DPYD: variants seen among roughly 807,000 people sequenced by gnomAD.
The protein encoded by DPYD is dihydropyrimidine dehydrogenase, also known as dihydropyrimidine dehydrogenase [NADP(+)].
In DPYD, 109 loss-of-function variants were observed where a neutral mutation model predicts 116.2. The ratio of observed to expected loss-of-function variants is 0.94; its 90% confidence interval spans 0.80 to 1.10. The LOEUF (loss-of-function observed/expected upper bound fraction) is 1.10. Among genes scored for constraint, DPYD ranks in the 50% least tolerant of loss-of-function variants. DPYD has a pLI of 0.00. For synonymous variants in DPYD, 440 were observed against 432.0 expected (o/e 1.02, Z -0.23); for missense variants, 1,302 against 1,254.5 (o/e 1.04, Z -0.57).
At chr1:97,236,458 A>T (rs1212906617) in intron 18 of DPYD, among the ~76,000 whole-genome samples, 1 of 152,218 alleles carries the variant, frequency 6.6e-6, no homozygotes, top group Non-Finnish European at 1.5e-5. Flanking sequence ...AAGGGCTTTC[A>T]ATTTGAAAAG....
intron 16 of DPYD, among the ~76,000 whole-genome samples, chr1:97,317,865 C>T (rs1667957163): frequency 6.6e-6 from 1 of 151,978 alleles, no homozygotes; most frequent in Non-Finnish European, 1.5e-5. Flanking sequence ...CAGAGAAAAA[C>T]TGCAATCCCT....
intron 16 of DPYD, among the ~76,000 whole-genome samples, chr1:97,355,376 T>C (rs901662460): frequency 3.9e-5 from 6 of 152,190 alleles, no homozygotes; most frequent in Admixed American, 2.0e-4. Context: ...ATCCATCACC[T>C]AAAATACTTA....
intron 10 of DPYD, among the ~76,000 whole-genome samples, chr1:97,582,932 T>C (rs1653793355): frequency 6.6e-6 from 1 of 152,134 alleles, no homozygotes; most frequent in Non-Finnish European, 1.5e-5. Flanking sequence ...TATCATTAAA[T>C]ACATCTCTTT....
chr1:97,282,108 A>G (rs12046744), intron 18 of DPYD, among the ~76,000 whole-genome samples: 15 of 151,900 alleles, frequency 9.9e-5, no homozygotes, highest in African/African-American at 3.6e-4. Context: ...TTAAACCTAC[A>G]CTGAGGGATG....
intron 13 of DPYD, among the ~76,000 whole-genome samples, chr1:97,457,225 C>T (rs1676737928): frequency 6.6e-6 from 1 of 152,094 alleles, no homozygotes; most frequent in Admixed American, 6.6e-5. Flanking sequence ...GACTGAATGT[C>T]TGCTATATGC....
intron 6 of DPYD, among the ~76,000 whole-genome samples, chr1:97,697,313 T>C (rs180854455): frequency 2.6e-5 from 4 of 151,866 alleles, no homozygotes; most frequent in African/African-American, 9.7e-5. Context: ...AAGAATCTGT[T>C]TGGATGCAAA....
rs142125777 is a variant in DPYD at position 97,308,250 on chromosome 1, T to G, written c.2059-1953A>C. The G allele has an allele frequency of 4.2e-3, 640 of 151,616 alleles. 10 individuals carry two copies. Among genetic ancestry groups the G allele is most frequent in the African/African-American group, 0.015 (613 of 41,416 alleles). 9.4% of individuals were successfully genotyped at this position (151,616 alleles called of 1,614,324 possible). ...TTTTCAAATTCTTAGAAACACATGGTTTTTTTTGGTTAGCACTGTTTACTT... is the reference window on the plus strand; with the variant it reads ...TTTTCAAATTCTTAGAAACACATGGGTTTTTTTGGTTAGCACTGTTTACTT... On this transcript the variant is annotated intron_variant, in intron 16 of 22. Transcript: ENST00000370192.
At chr1:97,791,883 AG>A (rs1402214608) in intron 3 of DPYD, among the ~76,000 whole-genome samples, 8 of 152,242 alleles carry the variant, frequency 5.3e-5, no homozygotes, top group Non-Finnish European at 1.0e-4. Flanking sequence ...AAATATAGAA[AG>A]GAAGTTAGTA....
intron 13 of DPYD, among the ~76,000 whole-genome samples, chr1:97,481,969 C>T (rs1310869498): frequency 1.3e-5 from 2 of 152,048 alleles, no homozygotes; most frequent in African/African-American, 4.8e-5. Flanking sequence ...GATTATAAAC[C>T]ATCGTTGCAT....
At chr1:97,820,880 G>A (rs1221596571) in intron 3 of DPYD, among the ~76,000 whole-genome samples, 1 of 152,020 alleles carries the variant, frequency 6.6e-6, no homozygotes, top group Non-Finnish European at 1.5e-5. Flanking sequence ...TATATTTTAT[G>A]TGTATTAAGA....
At chr1:97,618,202 T>C (rs1252966061) in intron 8 of DPYD, among the ~76,000 whole-genome samples, 2 of 152,156 alleles carry the variant, frequency 1.3e-5, no homozygotes, top group Non-Finnish European at 2.9e-5. Context: ...TCTCAGACTC[T>C]CCATGGCAAG....
chr1:97,396,425 T>C (rs1021645797), intron 14 of DPYD, among the ~76,000 whole-genome samples: 5 of 99,728 alleles, frequency 5.0e-5, no homozygotes, highest in Admixed American at 1.9e-4. Flanking sequence ...GTGTGTCAGT[T>C]TTTTATTATA....
rs576433022 is a variant in DPYD at position 97,334,476 on chromosome 1, A to G, written c.2059-28179T>C. Among the ~76,000 whole-genome samples, 43 of 151,948 alleles carry G rather than the reference A, an allele frequency of 2.8e-4. 1 individual carries two copies. The highest frequency in any genetic ancestry group is 9.9e-4 in the African/African-American group (41 of 41,376). On this transcript the variant is annotated intron_variant, in intron 16 of 22. Transcript: ENST00000370192. ...TGTCTACATTAAAAAACAAACAAAC[A>G]AAACAATAGCAGAATTACGGGATTT...
At chr1:97,301,094 T>C (rs376937276) in intron 18 of DPYD, among the ~76,000 whole-genome samples, 1 of 152,100 alleles carries the variant, frequency 6.6e-6, no homozygotes, top group Non-Finnish European at 1.5e-5. Flanking sequence ...TATTCACTTG[T>C]AGACTCTAAG....
intron 22 of DPYD, 147 bp downstream of exon 22, chr1:97,082,183 T>TGATAG: frequency 1.0e-6 from 1 of 955,958 alleles, no homozygotes; most frequent in South Asian, 1.4e-5. Context: ...ATTATAAGGG[T>TGATAG]GACAGGACAG....
chr1:97,155,117 G>GTA (rs1655342414), intron 20 of DPYD, among the ~76,000 whole-genome samples: 1 of 152,272 alleles, frequency 6.6e-6, no homozygotes, highest in South Asian at 2.1e-4. Flanking sequence ...TGCAGGGAAC[G>GTA]TATATGTGGC....
chr1:97,494,837 A>G (rs946094807), intron 13 of DPYD, among the ~76,000 whole-genome samples: 6 of 151,998 alleles, frequency 3.9e-5, no homozygotes, highest in African/African-American at 1.4e-4. Flanking sequence ...GGTCACATCT[A>G]AGCCGGCTCC....
chr1:97,531,893 A>G lies in DPYD; in HGVS notation c.1525-15952T>C, dbSNP rs145403754. The stretch of plus-strand genomic sequence containing the variant: ...TTCTTTCTGGTCTTATTGTAAATGG[A>G]TTTTTTTCTTAATTTTTTGGATAGT... On this transcript the variant is annotated intron_variant, in intron 12 of 22. Transcript: ENST00000370192. 5.7e-3 allele frequency among the ~76,000 whole-genome samples: 868 copies of G among 152,004 alleles called. 5 individuals carry two copies. Among genetic ancestry groups the G allele is most frequent in the African/African-American group, 0.02 (821 of 41,472 alleles).
intron 1 of DPYD, among the ~76,000 whole-genome samples, chr1:97,893,530 T>A (rs918438199): frequency 6.8e-6 from 1 of 148,148 alleles, no homozygotes; most frequent in Admixed American, 6.8e-5. Context: ...TCCCAACATG[T>A]TTAGGTAAAT....
Sources: gnomAD v4.1 joint callset for allele counts (sites outside exome capture counted in the v4.1 genomes callset) on GRCh38, gnomAD v4.1.1 for gene constraint, MANE v1.5 for transcripts, NCBI Gene and HGNC (gene_info 2026-07-23, HGNC 2026-07-21) for gene names.